Variants in GNAL observed in about 807,000 individuals in gnomAD.
The protein encoded by GNAL is G protein subunit alpha L.
In GNAL, 18 loss-of-function variants were observed where a neutral mutation model predicts 55.1. That is an observed-to-expected ratio of 0.33 (90% confidence interval 0.23 to 0.48). The LOEUF (loss-of-function observed/expected upper bound fraction) is 0.48. Among genes scored for constraint, GNAL ranks in the 20% least tolerant of loss-of-function variants. The pLI, the probability that GNAL is intolerant of heterozygous loss-of-function variation, is 0.99. For synonymous variants in GNAL, 253 were observed against 237.0 expected (o/e 1.07, Z -0.62); for missense variants, 412 against 614.1 (o/e 0.67, Z 3.48).
At chr18:11,715,008 G>T (rs1419257130) in intron 1 of GNAL, among the ~76,000 whole-genome samples, 1 of 152,044 alleles carries the variant, frequency 6.6e-6, no homozygotes, top group Non-Finnish European at 1.5e-5. Flanking sequence ...AACCAGGCAT[G>T]GTGGTGCACA....
At chr18:11,707,412 A>G (rs757452864) in intron 1 of GNAL, among the ~76,000 whole-genome samples, 4 of 152,222 alleles carry the variant, frequency 2.6e-5, no homozygotes, top group Non-Finnish European at 5.9e-5. Context: ...AGCAGTAATA[A>G]TTTGAAAGCA....
At chr18:11,719,211 A>G (rs745697976) in intron 1 of GNAL, among the ~76,000 whole-genome samples, 1 of 152,206 alleles carries the variant, frequency 6.6e-6, no homozygotes, top group Non-Finnish European at 1.5e-5. Flanking sequence ...ATCATTAAAA[A>G]AAAATGTATC....
chr18:11,759,743 C>T (rs906188812), intron 4 of GNAL, among the ~76,000 whole-genome samples: 2 of 152,230 alleles, frequency 1.3e-5, no homozygotes, highest in Non-Finnish European at 2.9e-5. Flanking sequence ...AGAGCTCCAG[C>T]GGCTGCTGCC....
intron 1 of GNAL, among the ~76,000 whole-genome samples, chr18:11,747,907 TG>T (rs1204703800): frequency 6.6e-6 from 1 of 151,958 alleles, no homozygotes; most frequent in Non-Finnish European, 1.5e-5. Flanking sequence ...TCCCCGCAGG[TG>T]GGTGTGTTGC....
chr18:11,852,299 C>G (rs2035894523), intron 5 of GNAL: 1 of 688,398 alleles, frequency 1.5e-6, no homozygotes, highest in Non-Finnish European at 2.4e-6. Flanking sequence ...TAGCTGGATT[C>G]TAAAGTTCTG....
At chr18:11,699,546 G>GTT (rs59919332) in intron 1 of GNAL, among the ~76,000 whole-genome samples, 53 of 146,338 alleles carry the variant, frequency 3.6e-4, no homozygotes, top group African/African-American at 1.2e-3. Flanking sequence ...TAGTTGTTGG[G>GTT]TTTTTTTTTT....
chr18:11,743,110 G>C (rs995236013), intron 1 of GNAL, among the ~76,000 whole-genome samples: 1 of 152,178 alleles, frequency 6.6e-6, no homozygotes, highest in African/African-American at 2.4e-5. Flanking sequence ...TATGAGAACA[G>C]TGTGAGGCAG....
At chr18:11,790,700 AGGCTGGAGTGCAGT>A in intron 4 of GNAL, among the ~76,000 whole-genome samples, 1 of 121,140 alleles carries the variant, frequency 8.3e-6, no homozygotes, top group Non-Finnish European at 1.6e-5. Context: ...TCTGTTGCCC[AGGCTGGAGTGCAGT>A]GGCACGATCT....
chr18:11,813,880 A>G (rs2034887087), intron 4 of GNAL, among the ~76,000 whole-genome samples: 1 of 152,140 alleles, frequency 6.6e-6, no homozygotes, highest in South Asian at 2.1e-4. Context: ...CCTGTGTCTA[A>G]AACAAATTTA....
chr18:11,689,897 C>T lies in GNAL; in HGVS notation c.334C>T (p.Gln112Ter), dbSNP rs757231903. 6.8e-7 allele frequency: 1 copy of T among 1,478,220 alleles called. No homozygotes were observed. Among genetic ancestry groups the T allele is most frequent in the Non-Finnish European group, 9.0e-7 (1 of 1,114,464 alleles). 91.6% of individuals were successfully genotyped at this position (1,478,220 alleles called of 1,614,324 possible). A position where few individuals can be genotyped will look rare whatever the true frequency, so the allele number is the denominator to read the frequency against. ...SRGIDRMLRDQKRDLQQTHRL... is the reference protein window; with the variant it reads ...SRGIDRMLRD ...GGGCATCGACCGCATGCTGCGCGAC[C>T]AGAAGCGCGACCTGCAGCAGACGCA... Residue 112 changes from glutamine to a stop codon, truncating the protein, a stop_gained, in exon 1 of 12, where the codon CAG (glutamine) becomes TAG (stop). Coordinates refer to ENST00000334049, the MANE Select transcript of GNAL (RefSeq NM_182978.4). LOFTEE classifies it high-confidence loss of function.
At position 11,826,989 on chromosome 18, in the gene GNAL, C is replaced by G. The variant is rs374456516; in HGVS notation, c.722+1974C>G. 5.3e-5 allele frequency among the ~76,000 whole-genome samples: 8 copies of G among 152,268 alleles called. No homozygotes were observed. In the South Asian group the frequency reaches 1.7e-3, roughly 32 times the overall value. On this transcript the variant is annotated intron_variant, in intron 5 of 11. Coordinates refer to ENST00000334049, the MANE Select transcript of GNAL (RefSeq NM_182978.4). ...TTCAGCTTCAGACAAGGAAGAGCCTCACAGCACATCTGGGAGAGAGGGAGT... is the reference window on the plus strand; with the variant it reads ...TTCAGCTTCAGACAAGGAAGAGCCTGACAGCACATCTGGGAGAGAGGGAGT...
intron 4 of GNAL, among the ~76,000 whole-genome samples, chr18:11,790,550 A>C (rs1199880085): frequency 6.6e-6 from 1 of 152,108 alleles, no homozygotes; most frequent in Non-Finnish European, 1.5e-5. Context: ...GGTGGAAATC[A>C]GTGTTAACAT....
At chr18:11,770,653 T>G (rs1489833543) in intron 4 of GNAL, among the ~76,000 whole-genome samples, 2 of 152,172 alleles carry the variant, frequency 1.3e-5, no homozygotes, top group African/African-American at 4.8e-5. Flanking sequence ...GAGTGTACCA[T>G]TACCCTAAAG....
At chr18:11,864,749 T>C (rs113079856) in intron 7 of GNAL, 143 bp downstream of exon 7, 9 of 640,092 alleles carry the variant, frequency 1.4e-5, no homozygotes, top group African/African-American at 1.3e-4. Context: ...ATTTGAACTC[T>C]AGCAAGAGTT....
chr18:11,701,819 G>T (rs1262525060), intron 1 of GNAL, among the ~76,000 whole-genome samples: 1 of 152,148 alleles, frequency 6.6e-6, no homozygotes, highest in East Asian at 1.9e-4. Context: ...AAACGGGAAG[G>T]AGACTGCTCC....
intron 10 of GNAL, 128 bp from the exon 11 acceptor site, chr18:11,876,493 C>T (rs1202732082): frequency 5.9e-6 from 4 of 679,250 alleles, no homozygotes; most frequent in Non-Finnish European, 8.0e-6. Context: ...TTGTTTTTGC[C>T]TTGCTGTACA....
intron 4 of GNAL, among the ~76,000 whole-genome samples, chr18:11,813,259 A>AAAAAAAAAAG (rs908150605): frequency 1.3e-5 from 2 of 151,644 alleles, no homozygotes; most frequent in African/African-American, 2.4e-5. Flanking sequence ...CATCTTAAAA[A>AAAAAAAAAAG]AAAGAAAAAA....
rs1039897463 is a variant in GNAL at position 11,719,250 on chromosome 18, C to T, written c.376+29311C>T. Among the ~76,000 whole-genome samples, 18 of 151,456 alleles carry T rather than the reference C, an allele frequency of 1.2e-4. 1 individual carries two copies. Among genetic ancestry groups the T allele is most frequent in the Admixed American group, 4.6e-4 (7 of 15,218 alleles). ...ACAATTTAAATGAAGACACCAGTCA[C>T]GTGATGGTTGAGGATTGAAGGAGTG... On this transcript the variant is annotated intron_variant, in intron 1 of 11. Coordinates refer to ENST00000334049, the MANE Select transcript of GNAL (RefSeq NM_182978.4).
At position 11,689,481 on chromosome 18, in the gene GNAL, C is replaced by A; in HGVS notation, c.-83C>A. On this transcript the variant is annotated 5_prime_UTR_variant, in exon 1 of 12. The change creates a new upstream start codon in the 5' untranslated region. Coordinates refer to ENST00000334049, the MANE Select transcript of GNAL (RefSeq NM_182978.4). ...CCCGCCCCTCCGCTGAGGCGCCGGC[C>A]TGAACTGGGCGCGGGAACCAGGCCG... is the stretch of plus-strand genomic sequence containing the variant. 1.6e-6 allele frequency: 1 copy of A among 608,334 alleles called. No homozygotes were observed. 37.7% of individuals were successfully genotyped at this position (608,334 alleles called of 1,614,324 possible). A position where few individuals can be genotyped will look rare whatever the true frequency, so the allele number is the denominator to read the frequency against.
Sources: allele counts gnomAD v4.1 joint callset (sites outside exome capture counted in the v4.1 genomes callset), GRCh38; gene constraint gnomAD v4.1.1; transcripts MANE v1.5; gene names NCBI Gene and HGNC (gene_info 2026-07-23, HGNC 2026-07-21).